Variants in NOD1 observed in about 807,000 individuals in gnomAD.
NOD1 encodes the protein nucleotide binding oligomerization domain containing 1, also known as nucleotide-binding oligomerization domain-containing protein 1.
In NOD1, 70 loss-of-function variants were observed where a neutral mutation model predicts 81.2. The ratio of observed to expected loss-of-function variants is 0.86; its 90% CI spans 0.71 to 1.05. The LOEUF is 1.05. Among genes scored for constraint, NOD1 ranks in the 50% least tolerant of loss-of-function variants. The pLI is 0.00. For missense variants in NOD1, 1,233 were observed against 1,228.0 expected, an observed-to-expected ratio of 1.00 and a Z score of -0.06; for synonymous variants, 508 against 526.9, an observed-to-expected ratio of 0.96 and a Z score of 0.49.
chr7:30,449,384 TCATTAAATTCTGCCCATAC>T (rs1344389433), intron 6 of NOD1, among the ~76,000 whole-genome samples: 1 of 152,216 alleles, frequency 6.6e-6, no homozygotes, highest in Non-Finnish European at 1.5e-5. Flanking sequence ...TGGGCCCATC[TCATTAAATTCTGCCCATAC>T]CATTAAGTTC....
intron 6 of NOD1, among the ~76,000 whole-genome samples, chr7:30,450,910 C>T (rs1000142194): frequency 1.3e-5 from 2 of 152,200 alleles, no homozygotes; most frequent in African/African-American, 4.8e-5. Context: ...CACCCATTCT[C>T]AACTAACATT....
chr7:30,429,416 A>C lies in NOD1; in HGVS notation c.2747T>G (p.Leu916Arg), dbSNP rs55911117. ...NQITAKGTAQ[L>R]ADALQSNTGI... ...AGTGTTGCTCTGTAACGCATCTGCC[A>C]GCTGGGCAGTCCCCTTAGCTGTGAT... Residue 916 changes from leucine to arginine, a missense_variant, in exon 13 of 14, where the codon CTG (leucine) becomes CGG (arginine). By Grantham distance (102) the Leu-to-Arg change is moderately radical (BLOSUM62 -2). Coordinates refer to ENST00000222823, the MANE Select transcript of NOD1 (RefSeq NM_006092.4). 4.7e-5 allele frequency: 76 copies of C among 1,614,224 alleles called. No homozygotes were observed. In the African/African-American group the frequency reaches 9.6e-4, roughly 20 times the overall value.
intron 1 of NOD1, among the ~76,000 whole-genome samples, chr7:30,475,269 T>A (rs532481652): frequency 6.6e-6 from 1 of 152,288 alleles, no homozygotes; most frequent in East Asian, 1.9e-4. Context: ...GACCCTAACC[T>A]GTATGGTGGC....
chr7:30,455,230 C>G lies in NOD1; in HGVS notation c.283G>C (p.Asp95His), dbSNP rs750535724. The change falls in exon 5 of 14, where the codon GAT becomes CAT. Residue 95 changes from aspartate (D) to histidine (H), a missense_variant. Asp to His is a moderately conservative substitution (Grantham distance 81). Transcript: ENST00000222823. ...FFLYLLQQLA[D>H]AYVDLRPWLL... is the part of the protein sequence containing the mutation. ...CAAGGCCTGAGGTCCACGTAGGCAT[C>G]TGCGAGTTGCTGGAGCAAGTAGAGG... 1 of 1,614,196 alleles carries G rather than the reference C, an allele frequency of 6.2e-7. No homozygotes were observed. The highest frequency in any genetic ancestry group is 2.2e-5 in the East Asian group (1 of 44,876).
chr7:30,462,432 T>TTG (rs1787197454), intron 1 of NOD1, among the ~76,000 whole-genome samples: 1 of 152,000 alleles, frequency 6.6e-6, no homozygotes, highest in African/African-American at 2.4e-5. Context: ...ATGGGTTTTT[T>TTG]TTTTTTTTTT....
Position 30,451,633 on chromosome 7 carries a change from A to C in NOD1, c.1784T>G (p.Leu595Arg). Residue 595 changes from leucine to arginine, a missense_variant, in exon 6 of 14, where the codon CTG becomes CGG. Coordinates refer to ENST00000222823, the MANE Select transcript of NOD1 (RefSeq NM_006092.4). The surrounding 1 kb of genome is among the most constrained non-coding windows in gnomAD (Gnocchi z 4.2). ...GAGTTTCTGTTTGGCTTTGGACAAC[A>C]GCCCGCACAGGAAGAGGTTGGTGAA... ...FQFTNLFLCG[L>R]LSKAKQKLLR... 1 of 1,613,984 alleles carries C rather than the reference A, an allele frequency of 6.2e-7. No homozygotes were observed. The highest frequency in any genetic ancestry group is 8.5e-7 in the Non-Finnish European group (1 of 1,180,034).
intron 1 of NOD1, among the ~76,000 whole-genome samples, chr7:30,471,082 G>A (rs543470400): frequency 1.1e-4 from 16 of 148,576 alleles, no homozygotes; most frequent in African/African-American, 3.9e-4. Context: ...GCTGATCGCT[G>A]GCCAAAATGC....
chr7:30,434,575 A>G (rs1032511121), intron 11 of NOD1, among the ~76,000 whole-genome samples: 6 of 152,226 alleles, frequency 3.9e-5, no homozygotes, highest in Admixed American at 1.3e-4. Context: ...TCTGTTTTGC[A>G]TATCTTTGAA....
At chr7:30,474,275 CT>C (rs1562723846) in intron 1 of NOD1, among the ~76,000 whole-genome samples, 1 of 152,214 alleles carries the variant, frequency 6.6e-6, no homozygotes. Flanking sequence ...GTGCTAAGCA[CT>C]TTACATAGAT....
intron 1 of NOD1, among the ~76,000 whole-genome samples, chr7:30,466,596 G>C (rs533083250): frequency 2.6e-5 from 4 of 152,254 alleles, no homozygotes; most frequent in African/African-American, 9.6e-5. Flanking sequence ...GGAGTTCAGA[G>C]TTCGAGGCTA....
chr7:30,473,015 C>A (rs1015223748), intron 1 of NOD1, among the ~76,000 whole-genome samples: 3 of 152,314 alleles, frequency 2.0e-5, no homozygotes, highest in Non-Finnish European at 2.9e-5. Flanking sequence ...AGAATTGAAG[C>A]CCCAAAGTGC....
chr7:30,450,983 G>A (rs969933023), intron 6 of NOD1, among the ~76,000 whole-genome samples: 10 of 152,216 alleles, frequency 6.6e-5, no homozygotes, highest in African/African-American at 2.4e-4. Context: ...AGGGCGTGGA[G>A]GCTCTGAGAG....
chr7:30,462,843 G>C (rs1787264782), intron 1 of NOD1, among the ~76,000 whole-genome samples: 1 of 151,986 alleles, frequency 6.6e-6, no homozygotes, highest in Admixed American at 6.6e-5. Flanking sequence ...CAGCTACTAG[G>C]GAGGCTGAGG....
rs778086789 is a variant in NOD1 at position 30,453,078 on chromosome 7, A to G, written c.377-38T>C. The G allele has an allele frequency of 9.6e-6, 15 of 1,566,858 alleles. No homozygotes were observed. The South Asian group carries it at 1.7e-4, about 17-fold the overall frequency. The stretch of plus-strand genomic sequence containing the variant: ...GGTGGCAGGGCACAGCAGCAGGGTG[A>G]GGAGAGAGGCAGAAACAGCATCAAA... On this transcript the variant is annotated intron_variant, in intron 5 of 13. Coordinates refer to ENST00000222823, the MANE Select transcript of NOD1 (RefSeq NM_006092.4).
intron 4 of NOD1, among the ~76,000 whole-genome samples, chr7:30,455,688 A>C (rs1427455919): frequency 6.7e-6 from 1 of 149,220 alleles, no homozygotes; most frequent in African/African-American, 2.5e-5. Flanking sequence ...TGCAACCTCC[A>C]CCTCCCAGGT....
At position 30,446,165 on chromosome 7, in the gene NOD1, T is replaced by A. The variant is rs1009323489; in HGVS notation, c.2429A>T (p.Asn810Ile). 6.2e-7 allele frequency: 1 copy of A among 1,613,606 alleles called. No individual in the cohort carries two copies. Among genetic ancestry groups the A allele is most frequent in the Non-Finnish European group, 8.5e-7 (1 of 1,179,672 alleles). The change falls in exon 9 of 14, where the codon AAC becomes ATC. Residue 810 changes from asparagine (N) to isoleucine (I), a missense_variant. Physicochemically the swap from Asn to Ile is moderately radical, Grantham distance 149 (BLOSUM62 -3). Transcript: ENST00000222823. ...CCCAACCTCAGAGATTGATTTGCTG[T>A]TCTTCACAGCCAGGGCGAGATACTT... ...GGKYLALAVKNSKSISEVGMW... is the reference protein window; with the variant it reads ...GGKYLALAVKISKSISEVGMW...
chr7:30,456,590 A>G (rs1291555770), intron 4 of NOD1, 131 bp downstream of exon 4: 2 of 725,544 alleles, frequency 2.8e-6, no homozygotes, highest in East Asian at 2.7e-5. Flanking sequence ...TTTGTGTGCT[A>G]TTAGTACCCC....
Position 30,455,232 on chromosome 7 carries a change from G to A in NOD1, c.281C>T (p.Ala94Val), listed in dbSNP as rs1272907069. The change falls in exon 5 of 14, where the codon GCA becomes GTA. Residue 94 changes from alanine (A) to valine (V), a missense_variant. Ala to Val is a moderately conservative substitution (Grantham distance 64, BLOSUM62 0). Transcript: ENST00000222823. ...EFFLYLLQQL[A>V]DAYVDLRPWL... ...AGGCCTGAGGTCCACGTAGGCATCT[G>A]CGAGTTGCTGGAGCAAGTAGAGGAA... 3 of 1,614,052 alleles carry A rather than the reference G, an allele frequency of 1.9e-6. No homozygotes were observed. The African/African-American group carries it at 4.0e-5, about 22-fold the overall frequency.
At chr7:30,428,341 A>G (rs1783638747) in intron 13 of NOD1, among the ~76,000 whole-genome samples, 1 of 151,982 alleles carries the variant, frequency 6.6e-6, no homozygotes, top group Admixed American at 6.6e-5. Context: ...TATTACAGGC[A>G]TGAGCCACCA....
Sources: gnomAD v4.1 joint callset for allele counts (sites outside exome capture counted in the v4.1 genomes callset) on GRCh38, gnomAD v4.1.1 for gene constraint, Gnocchi (gnomAD v3.1) non-coding constraint, MANE v1.5 for transcripts, NCBI Gene and HGNC (gene_info 2026-07-23, HGNC 2026-07-21) for gene names.